Variants in TMOD1 observed in about 807,000 individuals in gnomAD.
TMOD1 encodes the protein tropomodulin-1.
In TMOD1, 17 loss-of-function variants were observed where a neutral mutation model predicts 40.6. The observed-to-expected ratio is 0.42, with a 90% CI of 0.29 to 0.63. TMOD1 has a LOEUF of 0.63. Ranked by LOEUF, TMOD1 falls within the 20% of genes least tolerant of loss-of-function variation. The pLI is 0.22. For missense variants in TMOD1, 391 were observed against 447.6 expected (o/e 0.87, Z 1.14); for synonymous variants, 181 against 175.0 (o/e 1.03, Z -0.27).
At position 97,557,575 on chromosome 9, in the gene TMOD1, G is replaced by A. The variant is rs10817760; in HGVS notation, c.397+4175G>A. Among the ~76,000 whole-genome samples, 31,584 of 152,248 alleles carry A rather than the reference G, an allele frequency of 0.21. 4,049 individuals are homozygous for A. The highest frequency in any genetic ancestry group is 0.36 in the Middle Eastern group (105 of 292). On this transcript the variant is annotated intron_variant, in intron 4 of 9. Coordinates refer to ENST00000259365, the MANE Select transcript of TMOD1 (RefSeq NM_003275.4). This position sits in a 1 kb window ranked among gnomAD's most constrained non-coding sequence, Gnocchi z 4.4. The stretch of plus-strand genomic sequence containing the variant: ...AGGCACCTGTCCTGCTACCCTGCCA[G>A]TGGCAGGGTGTATCTTATCCAGGAG...
intron 5 of TMOD1, 27 bp downstream of exon 5, chr9:97,562,848 G>T (rs1271193063): frequency 1.3e-6 from 2 of 1,553,140 alleles, no homozygotes; most frequent in Non-Finnish European, 1.7e-6. Flanking sequence ...CCCCAGGAGG[G>T]ACCTCATGCT....
At position 97,511,108 on chromosome 9, in the gene TMOD1, A is replaced by ACACACACG. The variant is rs1554752913; in HGVS notation, c.-49+9309_-49+9310insCACGCACA. Among the ~76,000 whole-genome samples, 997 of 149,804 alleles carry ACACACACG rather than the reference A, an allele frequency of 6.7e-3. 9 individuals carry two copies. The highest frequency in any genetic ancestry group is 0.011 in the Non-Finnish European group (745 of 67,434). ...CAGACACACACACACACACACACAC[A>ACACACACG]CACAGGCTTTTCCAATTTAAACCAC... On this transcript the variant is annotated intron_variant, in intron 1 of 9. Coordinates refer to ENST00000259365, the MANE Select transcript of TMOD1 (RefSeq NM_003275.4).
chr9:97,529,067 T>C (rs1830059047), intron 2 of TMOD1, among the ~76,000 whole-genome samples: 1 of 152,240 alleles, frequency 6.6e-6, no homozygotes, highest in Admixed American at 6.5e-5. Flanking sequence ...AGCCACTGCG[T>C]GTGGGTCTGG....
intron 8 of TMOD1, among the ~76,000 whole-genome samples, chr9:97,581,132 T>G: frequency 1.4e-5 from 2 of 140,094 alleles, no homozygotes; most frequent in South Asian, 2.4e-4. Context: ...CTCCCGATGC[T>G]ATCCCGCCCC....
At chr9:97,580,180 C>A (rs571160606) in intron 8 of TMOD1, among the ~76,000 whole-genome samples, 21 of 152,106 alleles carry the variant, frequency 1.4e-4, no homozygotes, top group Non-Finnish European at 3.1e-4. Flanking sequence ...TAAATTGCAG[C>A]AGTTCTTGGC....
At chr9:97,516,063 C>T (rs1829801040) in intron 1 of TMOD1, 1 of 152,222 alleles carries the variant, frequency 6.6e-6, no homozygotes, top group Non-Finnish European at 1.5e-5. Flanking sequence ...ACTCCTTCCA[C>T]ACCTTACCCT....
chr9:97,586,699 A>G (rs1391079514), intron 8 of TMOD1, among the ~76,000 whole-genome samples: 1 of 152,126 alleles, frequency 6.6e-6, no homozygotes, highest in Non-Finnish European at 1.5e-5. Context: ...GCGGGATATA[A>G]TCTCGTGGTG....
At chr9:97,591,856 A>G (rs1826009431) in intron 9 of TMOD1, among the ~76,000 whole-genome samples, 1 of 152,170 alleles carries the variant, frequency 6.6e-6, no homozygotes, top group African/African-American at 2.4e-5. Context: ...AGGACTACCA[A>G]AATCTGAGCC....
At chr9:97,524,371 G>A (rs1240635469) in intron 2 of TMOD1, 63 bp downstream of exon 2, 1 of 1,570,060 alleles carries the variant, frequency 6.4e-7, no homozygotes, top group South Asian at 1.2e-5. Flanking sequence ...GGGACAGGTG[G>A]ATGCTTCCTA....
chr9:97,599,617 T>C lies in TMOD1; in HGVS notation c.1016-17T>C, dbSNP rs751638772. On this transcript the variant is annotated splice_polypyrimidine_tract_variant and intron_variant, in intron 9 of 9. Coordinates refer to ENST00000259365, the MANE Select transcript of TMOD1 (RefSeq NM_003275.4). ...ACAGGGAAAAGTGCCTTATATCTTATCTCCATTCCTTTCCAGTGAGGAAGA... is the reference window on the plus strand; with the variant it reads ...ACAGGGAAAAGTGCCTTATATCTTACCTCCATTCCTTTCCAGTGAGGAAGA... 1.2e-6 allele frequency: 2 copies of C among 1,614,136 alleles called. No individual in the cohort carries two copies. Among genetic ancestry groups the C allele is most frequent in the Non-Finnish European group, 1.7e-6 (2 of 1,179,988 alleles).
intron 1 of TMOD1, among the ~76,000 whole-genome samples, chr9:97,522,754 G>A (rs915091138): frequency 1.3e-5 from 2 of 151,978 alleles, no homozygotes; most frequent in East Asian, 1.9e-4. Flanking sequence ...GTAGAGGCAG[G>A]ATCTCACTGT....
chr9:97,584,135 AT>A (rs1157577827), intron 8 of TMOD1, among the ~76,000 whole-genome samples: 2 of 151,110 alleles, frequency 1.3e-5, no homozygotes. Flanking sequence ...TCTTGTGGGC[AT>A]TTAGTGCTAT....
chr9:97,599,903 A>C lies in TMOD1; in HGVS notation c.*205A>C. 1 of 1,351,236 alleles carries C rather than the reference A, an allele frequency of 7.4e-7. No homozygotes were observed. 83.7% of individuals were successfully genotyped at this position (1,351,236 alleles called of 1,614,324 possible). A position where few individuals can be genotyped will look rare whatever the true frequency, so the allele number is the denominator to read the frequency against. Reference sequence around the variant, plus strand: ...TAATGTGAAGTTTTTCTTTAGTCACAGAAGTTGAATCTGGTTATTATTTAA... The same window carrying C: ...TAATGTGAAGTTTTTCTTTAGTCACCGAAGTTGAATCTGGTTATTATTTAA... On this transcript the variant is annotated 3_prime_UTR_variant, in exon 10 of 10. Coordinates refer to ENST00000259365, the MANE Select transcript of TMOD1 (RefSeq NM_003275.4).
At chr9:97,543,802 C>A (rs7864664) in intron 2 of TMOD1, among the ~76,000 whole-genome samples, 146 of 152,342 alleles carry the variant, frequency 9.6e-4, no homozygotes, top group African/African-American at 3.3e-3. Context: ...GCACACACAG[C>A]TAGCTACAGG....
Position 97,557,129 on chromosome 9 carries a change from G to A in TMOD1, c.397+3729G>A, listed in dbSNP as rs911654987. Among the ~76,000 whole-genome samples, 1 of 152,116 alleles carries A rather than the reference G, an allele frequency of 6.6e-6. No homozygotes were observed. Among genetic ancestry groups the A allele is most frequent in the African/African-American group, 2.4e-5 (1 of 41,410 alleles). ...TGGGAGGCCCAGGAGGTGATGAGGA[G>A]GACAGACGAGAAACATGTATTTTTT... On this transcript the variant is annotated intron_variant, in intron 4 of 9. Transcript: ENST00000259365. This position sits in a 1 kb window ranked among gnomAD's most constrained non-coding sequence, Gnocchi z 4.4.
At chr9:97,568,267 G>A (rs1473261783) in intron 7 of TMOD1, among the ~76,000 whole-genome samples, 1 of 152,190 alleles carries the variant, frequency 6.6e-6, no homozygotes, top group Non-Finnish European at 1.5e-5. Context: ...TATATGCTGG[G>A]TACTGTGGCC....
intron 8 of TMOD1, among the ~76,000 whole-genome samples, chr9:97,576,861 G>A (rs918792304): frequency 6.6e-6 from 1 of 151,744 alleles, no homozygotes; most frequent in East Asian, 1.9e-4. Context: ...GGATGGTCTC[G>A]ATCTCCTGAC....
chr9:97,570,207 G>T (rs1452820441), intron 8 of TMOD1, among the ~76,000 whole-genome samples: 5 of 152,132 alleles, frequency 3.3e-5, no homozygotes, highest in Admixed American at 3.3e-4. Context: ...CCAACCTCCA[G>T]AAGACTTTGT....
chr9:97,599,050 A>G (rs1045106908), intron 9 of TMOD1, among the ~76,000 whole-genome samples: 2 of 152,026 alleles, frequency 1.3e-5, no homozygotes, highest in Non-Finnish European at 2.9e-5. Flanking sequence ...CCAGCCTGCA[A>G]CCTCCTGGCT....
Sources: gnomAD v4.1 joint callset for allele counts (sites outside exome capture counted in the v4.1 genomes callset) on GRCh38, gnomAD v4.1.1 for gene constraint, Gnocchi (gnomAD v3.1) non-coding constraint, MANE v1.5 for transcripts, NCBI Gene and HGNC (gene_info 2026-07-23, HGNC 2026-07-21) for gene names.